Variants in TMEM132E observed in about 807,000 individuals in gnomAD.
TMEM132E encodes transmembrane protein 132E.
TMEM132E carries 49 observed loss-of-function variants against 78.5 expected under a neutral mutation model. That is an observed-to-expected ratio of 0.62 (90% CI 0.50 to 0.79). The LOEUF is 0.79. Among genes scored for constraint, TMEM132E ranks in the 30% least tolerant of loss-of-function variants. The pLI is 0.00. For synonymous variants in TMEM132E, 715 were observed against 670.6 expected (o/e 1.07, Z -1.02); for missense variants, 1,403 against 1,470.9 (o/e 0.95, Z 0.75).
rs184792867 is a variant in TMEM132E at position 34,628,310 on chromosome 17, T to C, written c.999-253T>C. Among the ~76,000 whole-genome samples, 45 of 152,214 alleles carry C rather than the reference T, an allele frequency of 3.0e-4. No homozygotes were observed. In the East Asian group the frequency reaches 7.9e-3, roughly 27 times the overall value. The stretch of plus-strand genomic sequence containing the variant: ...GTCCCCTGTCACTAAGGTATGCCAG[T>C]AGAGATTAGGCAAAGACTTGGCAGG... On this transcript the variant is annotated intron_variant, in intron 2 of 8. Coordinates refer to ENST00000631683, the MANE Select transcript of TMEM132E (RefSeq NM_001304438.2).
intron 7 of TMEM132E, 131 bp from the exon 8 acceptor site, chr17:34,635,876 C>G (rs755671259): frequency 4.2e-5 from 39 of 932,438 alleles, no homozygotes; most frequent in Non-Finnish European, 5.5e-5. Context: ...GCTGCGAAGT[C>G]CTGCCTCCCA....
intron 1 of TMEM132E, among the ~76,000 whole-genome samples, chr17:34,589,167 C>A (rs541960845): frequency 6.6e-6 from 1 of 152,188 alleles, no homozygotes; most frequent in East Asian, 1.9e-4. Flanking sequence ...TTGGCAAAGA[C>A]GTTAAGGAGG....
At chr17:34,585,942 C>A (rs1445403224) in intron 1 of TMEM132E, among the ~76,000 whole-genome samples, 1 of 152,182 alleles carries the variant, frequency 6.6e-6, no homozygotes, top group Non-Finnish European at 1.5e-5. Context: ...GGTTCAAACC[C>A]TGACTTTGTC....
At chr17:34,601,540 G>A (rs1183919610) in intron 1 of TMEM132E, among the ~76,000 whole-genome samples, 1 of 152,216 alleles carries the variant, frequency 6.6e-6, no homozygotes, top group African/African-American at 2.4e-5. Flanking sequence ...CAATTCACAA[G>A]GGAGACGAAC....
intron 1 of TMEM132E, among the ~76,000 whole-genome samples, chr17:34,605,539 C>T (rs1906384169): frequency 1.3e-5 from 2 of 152,188 alleles, no homozygotes; most frequent in Admixed American, 1.3e-4. Context: ...CCCTGTGGCT[C>T]TCCTAAGCAA....
At chr17:34,594,235 G>A (rs1269709807) in intron 1 of TMEM132E, among the ~76,000 whole-genome samples, 1 of 152,176 alleles carries the variant, frequency 6.6e-6, no homozygotes, top group Non-Finnish European at 1.5e-5. Flanking sequence ...GCTCAATAAT[G>A]ATCTGCGGGA....
At chr17:34,584,274 A>G (rs1279835672) in intron 1 of TMEM132E, among the ~76,000 whole-genome samples, 1 of 152,110 alleles carries the variant, frequency 6.6e-6, no homozygotes, top group African/African-American at 2.4e-5. Flanking sequence ...TTTTGCACCC[A>G]CCAGCCCCTC....
chr17:34,614,147 T>C (rs1906701619), intron 1 of TMEM132E, among the ~76,000 whole-genome samples: 1 of 152,096 alleles, frequency 6.6e-6, no homozygotes, highest in African/African-American at 2.4e-5. Context: ...GTGGCCTGGA[T>C]TGGGCACCAG....
intron 2 of TMEM132E, among the ~76,000 whole-genome samples, chr17:34,627,505 T>TGTGTGTGTGTG (rs59547151): frequency 3.4e-4 from 51 of 148,880 alleles, no homozygotes; most frequent in South Asian, 8.7e-4. Context: ...TGTGTGTGTG[T>TGTGTGTGTGTG]TTTGGGACAT....
rs1828779233 is a variant in TMEM132E at position 34,580,991 on chromosome 17, C to T, written c.-86C>T. 8.4e-6 allele frequency: 10 copies of T among 1,188,668 alleles called. No homozygotes were observed. In the South Asian group the frequency reaches 1.4e-4, roughly 17 times the overall value. 73.6% of individuals were successfully genotyped at this position (1,188,668 alleles called of 1,614,324 possible). On this transcript the variant is annotated 5_prime_UTR_variant, in exon 1 of 9. Transcript: ENST00000631683. ...GAGACAGCCGGGCGCCACGGCAGCC[C>T]TGAGTTGGATGTGACCAAGCCCAGC...
chr17:34,615,737 C>A (rs765449834), intron 1 of TMEM132E, among the ~76,000 whole-genome samples: 1 of 151,842 alleles, frequency 6.6e-6, no homozygotes, highest in South Asian at 2.1e-4. Flanking sequence ...CAAGAGGATT[C>A]GCATTGGGTT....
chr17:34,613,224 C>CGT, intron 1 of TMEM132E, among the ~76,000 whole-genome samples: 1 of 151,534 alleles, frequency 6.6e-6, no homozygotes, highest in East Asian at 2.0e-4. Context: ...CGCGCGCGCG[C>CGT]GCGTTCTTAC....
intron 2 of TMEM132E, among the ~76,000 whole-genome samples, chr17:34,627,533 T>G (rs1907201530): frequency 1.4e-5 from 2 of 140,924 alleles, no homozygotes; most frequent in African/African-American, 5.2e-5. Flanking sequence ...AGTCCTAGAG[T>G]TGGGAGAAAA....
Position 34,615,891 on chromosome 17 carries a change from G to A in TMEM132E, c.68-10236G>A, listed in dbSNP as rs1221832029. 2.0e-5 allele frequency among the ~76,000 whole-genome samples: 3 copies of A among 151,996 alleles called. No individual in the cohort carries two copies. The East Asian group carries it at 5.8e-4, about 29-fold the overall frequency. ...AACATTTAAAGAGGGCTGCCTGTGT[G>A]CCAGGCACCGCTGAAACATTTCACA... On this transcript the variant is annotated intron_variant, in intron 1 of 8. Transcript: ENST00000631683.
In TMEM132E at chr17:34,623,411, C is replaced by CA. The variant is rs1491159348; in HGVS notation, c.68-2716_68-2715insA. Among the ~76,000 whole-genome samples the CA allele has an allele frequency of 2.4e-3, 253 of 106,760 alleles. 3 individuals carry two copies. The highest frequency in any genetic ancestry group is 8.0e-3 in the African/African-American group (243 of 30,200). 70.0% of individuals were successfully genotyped at this position (106,760 alleles called of 152,430 possible). On this transcript the variant is annotated intron_variant, in intron 1 of 8. Transcript: ENST00000631683. Reference sequence around the variant, plus strand: ...AGGGCTAGTACCCGCTCCCCCCCCCCCCCCCGTCCCTCTACAGCCTGGATA... The same window carrying CA: ...AGGGCTAGTACCCGCTCCCCCCCCCCACCCCCGTCCCTCTACAGCCTGGATA...
chr17:34,582,704 G>A (rs952693822), intron 1 of TMEM132E, among the ~76,000 whole-genome samples: 4 of 152,108 alleles, frequency 2.6e-5, no homozygotes, highest in African/African-American at 7.2e-5. Flanking sequence ...AGGGAGGTGG[G>A]CTGCCTGTCT....
chr17:34,582,921 A>G (rs192186353), intron 1 of TMEM132E, among the ~76,000 whole-genome samples: 1 of 152,216 alleles, frequency 6.6e-6, no homozygotes, highest in African/African-American at 2.4e-5. Context: ...AAACTCTGTC[A>G]TTAGGGTCCC....
rs113841870 is a variant in TMEM132E, at chr17:34,584,750, G to A, written c.67+3607G>A. Among the ~76,000 whole-genome samples, 550 of 152,326 alleles carry A rather than the reference G, an allele frequency of 3.6e-3. 4 individuals carry two copies. Among genetic ancestry groups the A allele is most frequent in the African/African-American group, 0.013 (526 of 41,572 alleles). On this transcript the variant is annotated intron_variant, in intron 1 of 8. Coordinates refer to ENST00000631683, the MANE Select transcript of TMEM132E (RefSeq NM_001304438.2). ...GACAGGCAGAGATACCACAAAGAGA[G>A]CAAGAGGATGGAGCAGGCCCATGCC...
In TMEM132E at chr17:34,581,197, G is replaced by A. The variant is rs920310506; in HGVS notation, c.67+54G>A. The A allele has an allele frequency of 6.9e-6, 10 of 1,452,188 alleles. No individual in the cohort carries two copies. In the African/African-American group the frequency reaches 1.2e-4, roughly 17 times the overall value. The allele number at this position is 1,452,188 out of a possible 1,614,324, so 90.0% of individuals were successfully genotyped here. A position where few individuals can be genotyped will look rare whatever the true frequency, so the allele number is the denominator to read the frequency against. On this transcript the variant is annotated intron_variant, in intron 1 of 8. Transcript: ENST00000631683. Reference sequence around the variant, plus strand: ...AGGATGCGGCAGGCGCCACTGGAGGGGGTACGGGGAAGACTGGGGAGAGGA... The same window carrying A: ...AGGATGCGGCAGGCGCCACTGGAGGAGGTACGGGGAAGACTGGGGAGAGGA...
Sources: gnomAD v4.1 joint callset for allele counts (sites outside exome capture counted in the v4.1 genomes callset) on GRCh38, gnomAD v4.1.1 for gene constraint, MANE v1.5 for transcripts, NCBI Gene and HGNC (gene_info 2026-07-23, HGNC 2026-07-21) for gene names.